The following CCSER1 variants were observed in gnomAD, a reference collection of about 807,000 sequenced individuals.
The protein encoded by CCSER1 is serine-rich coiled-coil domain-containing protein 1.
CCSER1 carries 41 observed loss-of-function variants against 82.0 expected under a neutral mutation model. The ratio of observed to expected loss-of-function variants is 0.50; its 90% CI spans 0.39 to 0.65. The LOEUF (loss-of-function observed/expected upper bound fraction) is 0.65, where lower values mean the gene tolerates loss of function less well. Among genes scored for constraint, CCSER1 ranks in the 30% least tolerant of loss-of-function variants. CCSER1 has a pLI of 0.00. For missense variants in CCSER1, 1,119 were observed against 1,064.2 expected (o/e 1.05, Z -0.72); for synonymous variants, 414 against 383.9 (o/e 1.08, Z -0.92).
intron 8 of CCSER1, among the ~76,000 whole-genome samples, chr4:90,868,377 A>G (rs1306391917): frequency 6.6e-6 from 1 of 151,840 alleles, no homozygotes; most frequent in Non-Finnish European, 1.5e-5. Context: ...TTCGGTTACC[A>G]TCTTCCTACT....
At chr4:90,689,317 T>G (rs936160763) in intron 6 of CCSER1, among the ~76,000 whole-genome samples, 3 of 152,064 alleles carry the variant, frequency 2.0e-5, no homozygotes, top group African/African-American at 7.2e-5. Flanking sequence ...TAGGTCAAAG[T>G]CTAAGTCCTC....
At chr4:90,403,071 A>G (rs570850780) in intron 4 of CCSER1, among the ~76,000 whole-genome samples, 13 of 152,318 alleles carry the variant, frequency 8.5e-5, no homozygotes, top group Admixed American at 4.6e-4. Context: ...TTGAAAATCT[A>G]TTTCATTTTA....
Position 91,013,138 on chromosome 4 carries a change from G to A in CCSER1, c.2173-72812G>A, listed in dbSNP as rs1438662896. ...ATTTGTCAAGGGAACGAAAGATAAG[G>A]GCTTCTAATCAACCATTTTGCTAAT... On this transcript the variant is annotated intron_variant, in intron 9 of 10. Coordinates refer to ENST00000509176, the MANE Select transcript of CCSER1 (RefSeq NM_001145065.2). Among the ~76,000 whole-genome samples, 21 of 134,054 alleles carry A rather than the reference G, an allele frequency of 1.6e-4. 4 individuals carry two copies. Among genetic ancestry groups the A allele is most frequent in the African/African-American group, 3.7e-4 (15 of 40,270 alleles). The allele number at this position is 134,054 out of a possible 152,430, so 87.9% of individuals were successfully genotyped here.
intron 3 of CCSER1, among the ~76,000 whole-genome samples, chr4:90,355,120 G>C (rs1205911471): frequency 6.6e-6 from 1 of 151,880 alleles, no homozygotes; most frequent in Non-Finnish European, 1.5e-5. Flanking sequence ...TTCTGGATAA[G>C]ACTCAAATCT....
chr4:91,244,024 G>T (rs745762700), intron 10 of CCSER1, among the ~76,000 whole-genome samples: 2 of 152,300 alleles, frequency 1.3e-5, no homozygotes, highest in Middle Eastern at 3.4e-3. Flanking sequence ...TGGGCTACAG[G>T]AGAGTCCACT....
intron 10 of CCSER1, among the ~76,000 whole-genome samples, chr4:91,232,653 G>A (rs1362942236): frequency 2.6e-5 from 4 of 151,690 alleles, no homozygotes; most frequent in Non-Finnish European, 5.9e-5. Context: ...TATATACAAT[G>A]TATAAATTAT....
chr4:90,457,331 T>C (rs1173026628), intron 4 of CCSER1, among the ~76,000 whole-genome samples: 1 of 152,190 alleles, frequency 6.6e-6, no homozygotes, highest in African/African-American at 2.4e-5. Context: ...CTCTTTTCTC[T>C]CTTTTTTCTT....
At chr4:90,300,067 G>A (rs1410765261) in intron 1 of CCSER1, among the ~76,000 whole-genome samples, 2 of 151,946 alleles carry the variant, frequency 1.3e-5, no homozygotes, top group African/African-American at 4.8e-5. Flanking sequence ...TTTTCTGAAT[G>A]TTTTTCTGAG....
intron 10 of CCSER1, among the ~76,000 whole-genome samples, chr4:91,137,690 T>G (rs573642961): frequency 1.9e-3 from 287 of 151,434 alleles, no homozygotes; most frequent in Non-Finnish European, 3.6e-3. Context: ...CCTGACTTTT[T>G]AATGATTGCC....
intron 5 of CCSER1, 23 bp from the exon 6 acceptor site, chr4:90,628,002 G>A: frequency 1.3e-6 from 2 of 1,545,956 alleles, no homozygotes; most frequent in Non-Finnish European, 1.7e-6. Context: ...TGTAATTTTT[G>A]TTCTTTTTTT....
intron 10 of CCSER1, among the ~76,000 whole-genome samples, chr4:91,250,355 T>A (rs577250186): frequency 1.3e-5 from 2 of 152,282 alleles, no homozygotes; most frequent in African/African-American, 4.8e-5. Flanking sequence ...TATGTGTGTG[T>A]ATATGTATGT....
chr4:90,785,642 TA>T (rs1218543219), intron 7 of CCSER1, among the ~76,000 whole-genome samples: 1 of 152,238 alleles, frequency 6.6e-6, no homozygotes, highest in African/African-American at 2.4e-5. Context: ...CATTTACCTT[TA>T]TGAAATGTTA....
At chr4:91,598,219 T>C (rs1764670924) in intron 10 of CCSER1, among the ~76,000 whole-genome samples, 1 of 152,194 alleles carries the variant, frequency 6.6e-6, no homozygotes, top group Non-Finnish European at 1.5e-5. Context: ...TCTATATTCA[T>C]CACTTATTAA....
chr4:90,836,407 C>CA lies in CCSER1; in HGVS notation c.2094+20563dup, dbSNP rs534098429. Among the ~76,000 whole-genome samples the CA allele has an allele frequency of 5.7e-4, 87 of 152,194 alleles. 2 individuals are homozygous for CA. Among genetic ancestry groups the CA allele is most frequent in the African/African-American group, 1.9e-3 (79 of 41,532 alleles). ...CATATTCTTCTGAGCTTCTTTGACT[C>CA]ACAAGCTTTGCTTTGAGAGTCACCT... On this transcript the variant is annotated intron_variant, in intron 8 of 10. Transcript: ENST00000509176.
intron 9 of CCSER1, among the ~76,000 whole-genome samples, chr4:91,010,364 C>G (rs1486414841): frequency 6.6e-6 from 1 of 152,146 alleles, no homozygotes; most frequent in Non-Finnish European, 1.5e-5. Flanking sequence ...TACTTTTTGA[C>G]AGTTTAATTA....
chr4:91,169,375 C>T (rs1387833473), intron 10 of CCSER1, among the ~76,000 whole-genome samples: 2 of 152,032 alleles, frequency 1.3e-5, no homozygotes, highest in African/African-American at 4.8e-5. Flanking sequence ...AATCCCAGCA[C>T]TTTGGGAGGC....
intron 10 of CCSER1, among the ~76,000 whole-genome samples, chr4:91,110,715 T>C (rs1472520123): frequency 6.6e-6 from 1 of 152,036 alleles, no homozygotes; most frequent in Admixed American, 6.5e-5. Context: ...CTAGTATGGC[T>C]TCTAATATGT....
intron 5 of CCSER1, among the ~76,000 whole-genome samples, chr4:90,556,370 C>T (rs1778140819): frequency 6.6e-6 from 1 of 152,010 alleles, no homozygotes; most frequent in Non-Finnish European, 1.5e-5. Flanking sequence ...GAATTGTGGA[C>T]ATCAGGTCTT....
chr4:91,229,115 A>C (rs1738423316), intron 10 of CCSER1, among the ~76,000 whole-genome samples: 1 of 152,120 alleles, frequency 6.6e-6, no homozygotes, highest in Non-Finnish European at 1.5e-5. Context: ...AGCAGCATGC[A>C]GCTGCCAATT....
Sources: allele counts gnomAD v4.1 joint callset (sites outside exome capture counted in the v4.1 genomes callset), GRCh38; gene constraint gnomAD v4.1.1; transcripts MANE v1.5; gene names NCBI Gene and HGNC (gene_info 2026-07-23, HGNC 2026-07-21).